CSMD1: variants seen among roughly 807,000 people sequenced by gnomAD.
CSMD1 encodes the protein CUB and sushi domain-containing protein 1.
Under a neutral mutation model 417.5 loss-of-function variants are expected in CSMD1, and 213 were observed. The ratio of observed to expected loss-of-function variants is 0.51; its 90% CI spans 0.46 to 0.57. The LOEUF is 0.57. Among genes scored for constraint, CSMD1 ranks in the 20% least tolerant of loss-of-function variants. The probability of loss-of-function intolerance (pLI) is 0.00; values close to 1 mark genes in which losing one functional copy is unlikely to be tolerated. For synonymous variants in CSMD1, 2,862 were observed against 1,736.8 expected, an observed-to-expected ratio of 1.65 and a Z score of -16.11; for missense variants, 6,923 against 4,529.7, an observed-to-expected ratio of 1.53 and a Z score of -15.17.
intron 10 of CSMD1, among the ~76,000 whole-genome samples, chr8:3,498,179 G>C (rs549469405): frequency 4.6e-5 from 7 of 152,194 alleles, no homozygotes; most frequent in African/African-American, 1.7e-4. Context: ...GTTAGTCTGG[G>C]AGCTTCTTGC....
chr8:4,775,538 C>G (rs559621710), intron 1 of CSMD1, among the ~76,000 whole-genome samples: 2 of 152,050 alleles, frequency 1.3e-5, no homozygotes, highest in South Asian at 2.1e-4. Flanking sequence ...ATCAGAAGGA[C>G]CAAGGGTAAC....
chr8:3,787,344 T>C (rs1003591106), intron 5 of CSMD1, among the ~76,000 whole-genome samples: 2 of 152,164 alleles, frequency 1.3e-5, no homozygotes, highest in Non-Finnish European at 2.9e-5. Flanking sequence ...AACAGTTCAA[T>C]GTTGATGCCA....
chr8:3,299,498 G>C (rs928038591), intron 25 of CSMD1, among the ~76,000 whole-genome samples: 3 of 152,110 alleles, frequency 2.0e-5, no homozygotes, highest in African/African-American at 7.2e-5. Context: ...GGAACTCTGT[G>C]ATATCAGATA....
rs1206130095 is a variant in CSMD1 at position 3,026,794 on chromosome 8, G to C, written c.7855+2525C>G. 1.4e-4 allele frequency among the ~76,000 whole-genome samples: 22 copies of C among 152,192 alleles called. 1 individual carries two copies. The highest frequency in any genetic ancestry group is 1.4e-3 in the Admixed American group (22 of 15,278). ...ATGCAGCAATCAATAACTAACACAG[G>C]TCCTCAAATTTTAAAAATAAAAATT... On this transcript the variant is annotated intron_variant, in intron 51 of 69. Transcript: ENST00000635120.
chr8:4,451,357 T>C lies in CSMD1; in HGVS notation c.303-31292A>G, dbSNP rs373805860. 3.0e-4 allele frequency among the ~76,000 whole-genome samples: 45 copies of C among 152,194 alleles called. 1 individual carries two copies. The South Asian group carries it at 8.9e-3, about 30-fold the overall frequency. ...AAAGCAAGACCCTGACTCAAAATAA[T>C]AAGGCAATCACAAGTGTTTATGGAA... is the stretch of plus-strand genomic sequence containing the variant. On this transcript the variant is annotated intron_variant, in intron 2 of 69. Transcript: ENST00000635120.
chr8:4,571,052 G>A (rs1014426147), intron 2 of CSMD1, among the ~76,000 whole-genome samples: 1 of 151,842 alleles, frequency 6.6e-6, no homozygotes, highest in Non-Finnish European at 1.5e-5. Context: ...TTATTAGTCT[G>A]GCTAGCAGTC....
At chr8:3,662,089 G>T (rs895798233) in intron 7 of CSMD1, among the ~76,000 whole-genome samples, 1 of 152,106 alleles carries the variant, frequency 6.6e-6, no homozygotes, top group Admixed American at 6.5e-5. Flanking sequence ...CAGAGAAGGA[G>T]CATGCTTAAA....
intron 1 of CSMD1, among the ~76,000 whole-genome samples, chr8:4,949,936 T>C (rs1808627736): frequency 1.3e-5 from 2 of 152,108 alleles, no homozygotes; most frequent in South Asian, 2.1e-4. Flanking sequence ...GTGTGTATTC[T>C]ATCTACATTG....
At chr8:4,362,632 T>TACCC (rs1384044383) in intron 3 of CSMD1, among the ~76,000 whole-genome samples, 2 of 152,188 alleles carry the variant, frequency 1.3e-5, no homozygotes, top group Non-Finnish European at 2.9e-5. Context: ...ACCAGTTTGC[T>TACCC]ACCCCCTCTA....
chr8:3,213,976 G>C (rs941818019), intron 30 of CSMD1, among the ~76,000 whole-genome samples: 1 of 151,830 alleles, frequency 6.6e-6, no homozygotes, highest in Non-Finnish European at 1.5e-5. Context: ...CTACTGAGTA[G>C]CTGGGATCAC....
intron 57 of CSMD1, among the ~76,000 whole-genome samples, chr8:2,970,984 C>T (rs1259379497): frequency 6.6e-6 from 1 of 152,120 alleles, no homozygotes; most frequent in African/African-American, 2.4e-5. Flanking sequence ...CTCACTTTTT[C>T]TCCCTCTGTC....
chr8:3,407,342 A>G (rs1465148522), intron 14 of CSMD1, among the ~76,000 whole-genome samples: 1 of 151,958 alleles, frequency 6.6e-6, no homozygotes, highest in Non-Finnish European at 1.5e-5. Context: ...TGGATGAATG[A>G]TGAATGGATG....
At chr8:4,596,160 G>C (rs1042774492) in intron 2 of CSMD1, among the ~76,000 whole-genome samples, 2 of 152,100 alleles carry the variant, frequency 1.3e-5, no homozygotes, top group African/African-American at 4.8e-5. Context: ...GAATACATAA[G>C]TCTGGAATAA....
chr8:4,120,409 T>C (rs1310532660), intron 3 of CSMD1, among the ~76,000 whole-genome samples: 1 of 152,174 alleles, frequency 6.6e-6, no homozygotes, highest in East Asian at 1.9e-4. Context: ...GCCCATCCAA[T>C]TGTTTGTTGA....
rs186592925 is a variant in CSMD1, at chr8:3,462,481, C to T, written c.1561+6231G>A. ...CATTACATTCTCCTAGGAGTGTGAACCCTATTGTGAACTGCACATGCGAGG... is the reference window on the plus strand; with the variant it reads ...CATTACATTCTCCTAGGAGTGTGAATCCTATTGTGAACTGCACATGCGAGG... On this transcript the variant is annotated intron_variant, in intron 12 of 69. Coordinates refer to ENST00000635120, the MANE Select transcript of CSMD1 (RefSeq NM_033225.6). Among the ~76,000 whole-genome samples the T allele has an allele frequency of 3.9e-3, 588 of 152,228 alleles. 3 individuals are homozygous for T. The highest frequency in any genetic ancestry group is 6.3e-3 in the Non-Finnish European group (431 of 68,016).
chr8:4,176,633 G>C (rs1260189353), intron 3 of CSMD1, among the ~76,000 whole-genome samples: 1 of 151,344 alleles, frequency 6.6e-6, no homozygotes, highest in Non-Finnish European at 1.5e-5. Context: ...ACACAGACTG[G>C]CAAATTGGAT....
At chr8:4,211,424 G>C (rs1481708278) in intron 3 of CSMD1, among the ~76,000 whole-genome samples, 11 of 151,978 alleles carry the variant, frequency 7.2e-5, no homozygotes, top group Non-Finnish European at 1.3e-4. Context: ...ACTGAATTTT[G>C]TCTACAAACA....
intron 8 of CSMD1, among the ~76,000 whole-genome samples, chr8:3,601,902 G>T (rs1168174962): frequency 6.6e-6 from 1 of 151,976 alleles, no homozygotes; most frequent in African/African-American, 2.4e-5. Context: ...ATCTGCCCTA[G>T]AGAGAGAGAG....
chr8:3,713,840 G>A (rs186073615), intron 6 of CSMD1, among the ~76,000 whole-genome samples: 1 of 152,110 alleles, frequency 6.6e-6, no homozygotes, highest in Non-Finnish European at 1.5e-5. Flanking sequence ...TGGGAGAAAT[G>A]GGTGAAAAAT....
Sources: allele counts gnomAD v4.1 joint callset (sites outside exome capture counted in the v4.1 genomes callset), GRCh38; gene constraint gnomAD v4.1.1; transcripts MANE v1.5; gene names NCBI Gene and HGNC (gene_info 2026-07-23, HGNC 2026-07-21).